MARCHF1: variants seen among roughly 807,000 people sequenced by gnomAD.
The protein encoded by MARCHF1 is E3 ubiquitin-protein ligase MARCHF1.
In MARCHF1, 40 loss-of-function variants were observed where a neutral mutation model predicts 54.2. The ratio of observed to expected loss-of-function variants is 0.74; its 90% CI spans 0.57 to 0.96. MARCHF1 has a LOEUF of 0.96. Ranked by LOEUF, MARCHF1 falls within the 40% of genes least tolerant of loss-of-function variation. The probability of loss-of-function intolerance (pLI) is 0.00; values close to 1 mark genes in which losing one functional copy is unlikely to be tolerated. For missense variants in MARCHF1, 586 were observed against 656.5 expected, an observed-to-expected ratio of 0.89 and a Z score of 1.17; for synonymous variants, 236 against 236.3, an observed-to-expected ratio of 1.00 and a Z score of 0.01.
intron 4 of MARCHF1, among the ~76,000 whole-genome samples, chr4:163,760,897 C>T (rs35626054): frequency 0.44 from 67,257 of 151,932 alleles, 14,915 homozygotes; most frequent in Admixed American, 0.48. Context: ...ATATTTCTGC[C>T]TAACTTAAAT....
rs76408490 is a variant in MARCHF1, at chr4:163,793,251, T to C, written c.111+60770A>G. On this transcript the variant is annotated intron_variant, in intron 4 of 9. Transcript: ENST00000514618. ...CATCCTACTATTCTCTCTAGTTAGGTAGTAACAGGAATATGTTTTACCTAC... is the reference window on the plus strand; with the variant it reads ...CATCCTACTATTCTCTCTAGTTAGGCAGTAACAGGAATATGTTTTACCTAC... 2.8e-3 allele frequency among the ~76,000 whole-genome samples: 433 copies of C among 152,278 alleles called. 2 individuals are homozygous for C. Among genetic ancestry groups the C allele is most frequent in the African/African-American group, 1.0e-2 (414 of 41,564 alleles).
At chr4:163,940,706 T>C (rs1751895144) in intron 3 of MARCHF1, among the ~76,000 whole-genome samples, 1 of 152,120 alleles carries the variant, frequency 6.6e-6, no homozygotes, top group South Asian at 2.1e-4. Context: ...ATAAACTAAA[T>C]ATGGAACTTA....
intron 1 of MARCHF1, among the ~76,000 whole-genome samples, chr4:164,129,381 G>A (rs1756253787): frequency 6.6e-6 from 1 of 152,084 alleles, no homozygotes; most frequent in Non-Finnish European, 1.5e-5. Flanking sequence ...AACTGATTAA[G>A]AAAATTGAAT....
rs1326824321 is a variant in MARCHF1 at position 163,848,475 on chromosome 4, GACTTCCATGGATTTTTCA to G, written c.111+5528_111+5545del. Among the ~76,000 whole-genome samples the G allele has an allele frequency of 1.1e-4, 17 of 152,038 alleles. No individual in the cohort carries two copies. In the East Asian group the frequency reaches 2.9e-3, roughly 26 times the overall value. On this transcript the variant is annotated intron_variant, in intron 4 of 9. Transcript: ENST00000514618. ...GACATTTTTTTAATCTTCTTGTTTT[GACTTCCATGGATTTTTCA>G]ACTCTAATCCTCATAAAATCTTTCA...
chr4:163,584,047 AAG>A (rs1740325303), intron 8 of MARCHF1: 1 of 151,086 alleles, frequency 6.6e-6, no homozygotes, highest in Non-Finnish European at 1.5e-5. Flanking sequence ...AAGATTTCCT[AAG>A]AGAGTTGTAA....
At chr4:164,277,338 A>G (rs962130890) in intron 1 of MARCHF1, among the ~76,000 whole-genome samples, 7 of 152,244 alleles carry the variant, frequency 4.6e-5, no homozygotes, top group Non-Finnish European at 1.0e-4. Flanking sequence ...ATCAAATCAC[A>G]TCACCTGTTT....
rs545726146 is a variant in MARCHF1 at position 163,771,679 on chromosome 4, A to G, written c.112-70816T>C. Among the ~76,000 whole-genome samples the G allele has an allele frequency of 2.0e-5, 3 of 152,316 alleles. No homozygotes were observed. The East Asian group carries it at 5.8e-4, about 29-fold the overall frequency. The stretch of plus-strand genomic sequence containing the variant: ...GATAGGATTTCAGCACATGAATTTT[A>G]GGAAGACACACACATTTAGATCATG... On this transcript the variant is annotated intron_variant, in intron 4 of 9. Transcript: ENST00000514618.
intron 2 of MARCHF1, among the ~76,000 whole-genome samples, chr4:164,046,707 T>G (rs139287209): frequency 1.3e-5 from 2 of 152,278 alleles, no homozygotes; most frequent in African/African-American, 4.8e-5. Context: ...AAGAACATTA[T>G]TTTTAGGACA....
At chr4:163,916,939 A>G (rs1478233909) in intron 3 of MARCHF1, among the ~76,000 whole-genome samples, 1 of 152,146 alleles carries the variant, frequency 6.6e-6, no homozygotes, top group African/African-American at 2.4e-5. Context: ...AATGATATGT[A>G]TCTACCATTA....
intron 4 of MARCHF1, among the ~76,000 whole-genome samples, chr4:163,819,460 T>C (rs1370606015): frequency 6.6e-6 from 1 of 152,122 alleles, no homozygotes; most frequent in Non-Finnish European, 1.5e-5. Flanking sequence ...GTAACATTCA[T>C]TCGATTATAA....
intron 7 of MARCHF1, among the ~76,000 whole-genome samples, chr4:163,595,549 T>G (rs1286444323): frequency 6.6e-6 from 1 of 152,102 alleles, no homozygotes; most frequent in African/African-American, 2.4e-5. Flanking sequence ...CAATGAAATA[T>G]TATTCAGCCT....
chr4:164,123,477 G>A (rs1310398834), intron 1 of MARCHF1, among the ~76,000 whole-genome samples: 1 of 152,038 alleles, frequency 6.6e-6, no homozygotes, highest in African/African-American at 2.4e-5. Context: ...AACCATAAAA[G>A]ACCCAGAATA....
chr4:164,140,935 C>T (rs1470055364), intron 1 of MARCHF1, among the ~76,000 whole-genome samples: 1 of 152,202 alleles, frequency 6.6e-6, no homozygotes, highest in Non-Finnish European at 1.5e-5. Context: ...CAGGAGGTCT[C>T]TAACAATCCA....
intron 4 of MARCHF1, among the ~76,000 whole-genome samples, chr4:163,797,791 T>C (rs1747961052): frequency 6.6e-6 from 1 of 152,164 alleles, no homozygotes; most frequent in South Asian, 2.1e-4. Context: ...CTTTCTATAA[T>C]ATATTATTGT....
chr4:163,578,438 A>G (rs1361096351), intron 8 of MARCHF1, among the ~76,000 whole-genome samples: 2 of 152,100 alleles, frequency 1.3e-5, no homozygotes, highest in Non-Finnish European at 2.9e-5. Context: ...CCAGCCAACA[A>G]TTATTATTCA....
intron 1 of MARCHF1, among the ~76,000 whole-genome samples, chr4:164,184,133 G>A (rs563527764): frequency 2.7e-4 from 41 of 152,228 alleles, no homozygotes; most frequent in South Asian, 2.5e-3. Context: ...GGTATTGCTC[G>A]ATACAACAGT....
chr4:163,840,460 G>A (rs898009988), intron 4 of MARCHF1, among the ~76,000 whole-genome samples: 6 of 152,108 alleles, frequency 3.9e-5, no homozygotes, highest in African/African-American at 1.4e-4. Context: ...GTGTGATGCT[G>A]AAGTTTGGGG....
At chr4:164,377,049 G>T (rs1385345388) in intron 1 of MARCHF1, among the ~76,000 whole-genome samples, 1 of 152,184 alleles carries the variant, frequency 6.6e-6, no homozygotes, top group Admixed American at 6.5e-5. Context: ...GCAGGCACAA[G>T]AATCTATTCC....
chr4:163,669,127 T>C (rs770954362), intron 5 of MARCHF1, among the ~76,000 whole-genome samples: 16 of 152,176 alleles, frequency 1.1e-4, no homozygotes, highest in Admixed American at 8.5e-4. Flanking sequence ...CCTCGAATTC[T>C]TACATTAAAT....
Sources: allele counts gnomAD v4.1 joint callset (sites outside exome capture counted in the v4.1 genomes callset), GRCh38; gene constraint gnomAD v4.1.1; transcripts MANE v1.5; gene names NCBI Gene and HGNC (gene_info 2026-07-23, HGNC 2026-07-21).